The following FAT4 variants were observed in gnomAD, a reference collection of about 807,000 sequenced individuals.
The protein encoded by FAT4 is protocadherin Fat 4.
In FAT4, 84 loss-of-function variants were observed where a neutral mutation model predicts 303.9. That is an observed-to-expected ratio of 0.28 (90% CI 0.23 to 0.33). FAT4 has a LOEUF of 0.33. Among genes scored for constraint, FAT4 ranks in the 10% least tolerant of loss-of-function variants. The pLI is 1.00. For synonymous variants in FAT4, 2,307 were observed against 2,298.8 expected (o/e 1.00, Z -0.10); for missense variants, 6,005 against 6,146.8 (o/e 0.98, Z 0.77).
chr4:125,430,592 G>A (rs1308188346), intron 7 of FAT4, among the ~76,000 whole-genome samples: 2 of 152,084 alleles, frequency 1.3e-5, no homozygotes, highest in African/African-American at 2.4e-5. Context: ...AGACTTGTGT[G>A]CACATTTCCT....
chr4:125,333,911 A>G (rs527559205), intron 2 of FAT4, among the ~76,000 whole-genome samples: 1 of 152,282 alleles, frequency 6.6e-6, no homozygotes, highest in African/African-American at 2.4e-5. Context: ...TCCTAAGGCT[A>G]GGAAGGTGAG....
chr4:125,354,765 A>C (rs1458722380), intron 2 of FAT4, among the ~76,000 whole-genome samples: 1 of 151,496 alleles, frequency 6.6e-6, no homozygotes, highest in Non-Finnish European at 1.5e-5. Context: ...AAAAAAAAAA[A>C]AAACTGGTTA....
chr4:125,361,660 A>G (rs1732676105), intron 2 of FAT4, among the ~76,000 whole-genome samples: 2 of 152,182 alleles, frequency 1.3e-5, no homozygotes, highest in African/African-American at 2.4e-5. Flanking sequence ...ATTATATGCT[A>G]CAGAAGCCAC....
chr4:125,454,726 A>G (rs190450461), intron 10 of FAT4, among the ~76,000 whole-genome samples: 6 of 152,212 alleles, frequency 3.9e-5, no homozygotes, highest in African/African-American at 1.2e-4. Context: ...TCAGCTACTC[A>G]GGAGACTGAG....
chr4:125,408,617 A>C lies in FAT4; in HGVS notation c.5743A>C (p.Thr1915Pro). Residue 1915 changes from threonine to proline, a missense_variant, in exon 5 of 18, where the codon ACT becomes CCT. Thr to Pro is a conservative substitution (Grantham distance 38). Coordinates refer to ENST00000394329, the MANE Select transcript of FAT4 (RefSeq NM_001291303.3). ...DYEVQQYYILTVRAEDGGGQF... is the reference protein window; with the variant it reads ...DYEVQQYYILPVRAEDGGGQF... ...TGAAGTACAGCAATATTATATCCTC[A>C]CTGTTCGAGCAGAAGATGGTGGGGG... 1 of 1,612,702 alleles carries C rather than the reference A, an allele frequency of 6.2e-7. No homozygotes were observed. Among genetic ancestry groups the C allele is most frequent in the Non-Finnish European group, 8.5e-7 (1 of 1,179,156 alleles).
At chr4:125,471,525 ACTTTT>A (rs747449294) in intron 12 of FAT4, among the ~76,000 whole-genome samples, 33 of 152,332 alleles carry the variant, frequency 2.2e-4, no homozygotes, top group Non-Finnish European at 3.4e-4. Context: ...TTAAATAAAT[ACTTTT>A]CTTTATAAAG....
chr4:125,407,509 T>C lies in FAT4; in HGVS notation c.5569+368T>C, dbSNP rs371022143. 2.0e-5 allele frequency among the ~76,000 whole-genome samples: 3 copies of C among 152,106 alleles called. No individual in the cohort carries two copies. In the South Asian group the frequency reaches 6.2e-4, roughly 31 times the overall value. ...AAAAATACATGAAAAACTGTGAATA[T>C]TGATTCTAACGCTCACTAGCTGTGT... On this transcript the variant is annotated intron_variant, in intron 4 of 17. Coordinates refer to ENST00000394329, the MANE Select transcript of FAT4 (RefSeq NM_001291303.3).
At chr4:125,374,872 T>C (rs902490607) in intron 2 of FAT4, among the ~76,000 whole-genome samples, 4 of 152,196 alleles carry the variant, frequency 2.6e-5, no homozygotes, top group African/African-American at 9.6e-5. Flanking sequence ...AGGATACAAG[T>C]AAATGATAAA....
chr4:125,377,193 G>T (rs1733363218), intron 2 of FAT4, among the ~76,000 whole-genome samples: 1 of 151,894 alleles, frequency 6.6e-6, no homozygotes, highest in Non-Finnish European at 1.5e-5. Flanking sequence ...ACGACTATTT[G>T]TTATAGAACT....
chr4:125,440,104 C>T (rs1181568928), intron 8 of FAT4, among the ~76,000 whole-genome samples: 1 of 151,944 alleles, frequency 6.6e-6, no homozygotes, highest in African/African-American at 2.4e-5. Flanking sequence ...TTTTTTACTC[C>T]TAATATATTC....
rs1431621772 is a variant in FAT4 at position 125,417,866 on chromosome 4, G to C, written c.7018+1244G>C. The stretch of plus-strand genomic sequence containing the variant: ...CCACTGGTGGATAAATACTCAATTA[G>C]ATGTCTGAAGTTCACTTTTATGAGT... On this transcript the variant is annotated intron_variant, in intron 7 of 17. Coordinates refer to ENST00000394329, the MANE Select transcript of FAT4 (RefSeq NM_001291303.3). Among the ~76,000 whole-genome samples the C allele has an allele frequency of 2.0e-5, 3 of 152,248 alleles. No individual in the cohort carries two copies. The East Asian group carries it at 5.8e-4, about 29-fold the overall frequency.
intron 2 of FAT4, among the ~76,000 whole-genome samples, chr4:125,385,003 T>TATATATATATATATATATATAC (rs1733680478): frequency 1.8e-5 from 2 of 112,178 alleles, no homozygotes; most frequent in Non-Finnish European, 3.5e-5. Flanking sequence ...TATATATACA[T>TATATATATATATATATATATAC]ATATATATAT....
chr4:125,463,424 C>T, intron 10 of FAT4, 139 bp from the exon 11 acceptor site: 3 of 455,368 alleles, frequency 6.6e-6, no homozygotes, highest in African/African-American at 2.0e-5. Flanking sequence ...TTCTAATTTC[C>T]TTATGTCAAG....
Position 125,450,279 on chromosome 4 carries a change from A to C in FAT4, c.9269A>C (p.Glu3090Ala). Residue 3090 changes from glutamate (E) to alanine (A), a missense_variant, in exon 10 of 18, where the codon GAA becomes GCA. By Grantham distance (107) the Glu-to-Ala change is moderately radical. Transcript: ENST00000394329. Reference protein sequence around the residue: ...TVTEENYHTPEFSQSHMSATI... With the variant: ...TVTEENYHTPAFSQSHMSATI... ...ACTGAGGAAAACTACCATACACCTG[A>C]ATTCTCTCAAAGCCACATGAGTGCA... The C allele has an allele frequency of 6.2e-7, 1 of 1,614,108 alleles. No homozygotes were observed. The highest frequency in any genetic ancestry group is 8.5e-7 in the Non-Finnish European group (1 of 1,179,992).
At chr4:125,386,529 C>T (rs1212088834) in intron 2 of FAT4, among the ~76,000 whole-genome samples, 1 of 152,126 alleles carries the variant, frequency 6.6e-6, no homozygotes, top group Non-Finnish European at 1.5e-5. Flanking sequence ...CTTGGCCTCC[C>T]AAAGTGCTGG....
At chr4:125,432,809 ATATCT>A (rs1179446493) in intron 7 of FAT4, among the ~76,000 whole-genome samples, 12 of 22,816 alleles carry the variant, frequency 5.3e-4, no homozygotes, top group African/African-American at 1.3e-3. Flanking sequence ...TTAATATAAA[ATATCT>A]TATGATATAT....
At position 125,449,415 on chromosome 4, in the gene FAT4, A is replaced by G; in HGVS notation, c.8405A>G (p.Asp2802Gly). 6.2e-7 allele frequency: 1 copy of G among 1,613,818 alleles called. No individual in the cohort carries two copies. The highest frequency in any genetic ancestry group is 8.5e-7 in the Non-Finnish European group (1 of 1,179,822). ...TVTRVTTSDE[D>G]IGINAISRYS... ...ACCCGTGTCACAACTTCTGATGAAGACATTGGGATCAATGCAATTAGTAGA... is the reference window on the plus strand; with the variant it reads ...ACCCGTGTCACAACTTCTGATGAAGGCATTGGGATCAATGCAATTAGTAGA... Residue 2802 changes from aspartate to glycine, a missense_variant, in exon 10 of 18, where the codon GAC (aspartate) becomes GGC (glycine). Coordinates refer to ENST00000394329, the MANE Select transcript of FAT4 (RefSeq NM_001291303.3).
At chr4:125,438,559 G>A (rs1359817472) in intron 8 of FAT4, among the ~76,000 whole-genome samples, 3 of 152,092 alleles carry the variant, frequency 2.0e-5, no homozygotes, top group Non-Finnish European at 2.9e-5. Context: ...ATCTTAAAAT[G>A]ACTCTACAGA....
rs770131334 is a variant in FAT4 at position 125,408,682 on chromosome 4, T to A, written c.5808T>A (p.Asp1936Glu). 1 of 1,610,398 alleles carries A rather than the reference T, an allele frequency of 6.2e-7. No individual in the cohort carries two copies. The highest frequency in any genetic ancestry group is 1.1e-5 in the South Asian group (1 of 90,992). Residue 1936 changes from aspartate to glutamate, a missense_variant, in exon 5 of 18, where the codon GAT becomes GAA. Asp to Glu is a conservative substitution (Grantham distance 45). Transcript: ENST00000394329. ...TCAGAGTTTATTTCAATATTCTAGA[T>A]GTAAATGATAATCCACCTATTTTCA... ...TTIRVYFNIL[D>E]VNDNPPIFSL...
Sources: allele counts gnomAD v4.1 joint callset (sites outside exome capture counted in the v4.1 genomes callset), GRCh38; gene constraint gnomAD v4.1.1; transcripts MANE v1.5; gene names NCBI Gene and HGNC (gene_info 2026-07-23, HGNC 2026-07-21).